EPGN: variants seen among roughly 807,000 people sequenced by gnomAD.
EPGN encodes epigen.
Under a neutral mutation model 20.7 loss-of-function variants are expected in EPGN, and 21 were observed. The observed-to-expected ratio is 1.01, with a 90% CI of 0.72 to 1.46. The LOEUF (loss-of-function observed/expected upper bound fraction) is 1.46, where lower values mean the gene tolerates loss of function less well. EPGN is among the 40% of genes most tolerant of loss of function. EPGN has a pLI of 0.00. For missense variants in EPGN, 199 were observed against 180.7 expected, an observed-to-expected ratio of 1.10 and a Z score of -0.58; for synonymous variants, 69 against 63.8, an observed-to-expected ratio of 1.08 and a Z score of -0.39.
In EPGN at chr4:74,315,619, G is replaced by A. The variant is rs1326546474; in HGVS notation, c.*982G>A. ...ACTTGTTAACAGATTTGCACATAGA[G>A]GGAGAGAAAAAAAATGGAGTAACAG... On this transcript the variant is annotated 3_prime_UTR_variant, in exon 5 of 5. Transcript: ENST00000413830. Among the ~76,000 whole-genome samples the A allele has an allele frequency of 2.0e-5, 3 of 151,992 alleles. No individual in the cohort carries two copies. The East Asian group carries it at 5.8e-4, about 29-fold the overall frequency.
chr4:74,308,950 T>C (rs1750710898), intron 1 of EPGN, 143 bp from the exon 2 acceptor site: 1 of 648,518 alleles, frequency 1.5e-6, no homozygotes, highest in African/African-American at 1.8e-5. Flanking sequence ...TGTAAGTATG[T>C]TGCCCTAGTC....
chr4:74,314,241 T>G, intron 4 of EPGN: 1 of 497,860 alleles, frequency 2.0e-6, no homozygotes, highest in Non-Finnish European at 3.9e-6. Flanking sequence ...AGATCTAGAA[T>G]GTGAATAGCA....
rs1448382255 is a variant in EPGN at position 74,315,396 on chromosome 4, G to T, written c.*759G>T. The T allele has an allele frequency of 6.6e-6, 1 of 152,118 alleles. No homozygotes were observed. Among genetic ancestry groups the T allele is most frequent in the African/African-American group, 2.4e-5 (1 of 41,410 alleles). 9.4% of individuals were successfully genotyped at this position (152,118 alleles called of 1,614,324 possible). ...TATAAAACTTTGTGTTGGACTCATT[G>T]GTCCCTAATGCTTTTGTTCATCACT... On this transcript the variant is annotated 3_prime_UTR_variant, in exon 5 of 5. Coordinates refer to ENST00000413830, the MANE Select transcript of EPGN (RefSeq NM_001270989.2).
intron 2 of EPGN, among the ~76,000 whole-genome samples, chr4:74,309,773 G>A (rs564940425): frequency 1.3e-5 from 2 of 152,208 alleles, no homozygotes; most frequent in African/African-American, 2.4e-5. Flanking sequence ...GAGCATCAGC[G>A]TTCTTTCTCT....
At chr4:74,314,091 A>T (rs1240415913) in intron 4 of EPGN, 1 of 456,220 alleles carries the variant, frequency 2.2e-6, no homozygotes, top group Admixed American at 2.3e-5. Flanking sequence ...ATTGCTGTGC[A>T]TGTGATTAGT....
intron 3 of EPGN, among the ~76,000 whole-genome samples, chr4:74,312,769 T>C (rs1751045184): frequency 6.6e-6 from 1 of 152,186 alleles, no homozygotes; most frequent in African/African-American, 2.4e-5. Context: ...GGCTAATGAT[T>C]TTTCTAGAGT....
Position 74,312,215 on chromosome 4 carries a change from A to C in EPGN, c.164A>C (p.Lys55Thr). ...ADNIEGPIAL[K>T]FSHLCLEDHN... ...AACATAGAAGGACCCATAGCCTTGA[A>C]GTTCTCACACCTTTGCCTGGAAGAT... Residue 55 changes from lysine to threonine, a missense_variant, in exon 3 of 5, where the codon AAG becomes ACG. Lys to Thr is a moderately conservative substitution (Grantham distance 78). Coordinates refer to ENST00000413830, the MANE Select transcript of EPGN (RefSeq NM_001270989.2). 1.9e-6 allele frequency: 3 copies of C among 1,612,682 alleles called. No individual in the cohort carries two copies. Among genetic ancestry groups the C allele is most frequent in the Non-Finnish European group, 2.5e-6 (3 of 1,179,270 alleles).
rs1751072905 is a variant in EPGN at position 74,313,142 on chromosome 4, G to C, written c.379G>C (p.Val127Leu). The C allele has an allele frequency of 1.9e-6, 3 of 1,611,298 alleles. No individual in the cohort carries two copies. The highest frequency in any genetic ancestry group is 2.5e-6 in the Non-Finnish European group (3 of 1,179,196). Residue 127 changes from valine (V) to leucine (L), a missense_variant, in exon 4 of 5, where the codon GTT (valine) becomes CTT (leucine). Val to Leu is a conservative substitution (Grantham distance 32). Coordinates refer to ENST00000413830, the MANE Select transcript of EPGN (RefSeq NM_001270989.2). The part of the protein sequence containing the change: ...GVGLLLSGFL[V>L]IFYCYIRKRC... ...TGGATTACTATTAAGTGGTTTTCTTGTTATTTTTTACTGCTATATAAGAAA... is the reference window on the plus strand; with the variant it reads ...TGGATTACTATTAAGTGGTTTTCTTCTTATTTTTTACTGCTATATAAGAAA...
chr4:74,309,088 T>C lies in EPGN; in HGVS notation c.44-5T>C, dbSNP rs757038146. The C allele has an allele frequency of 3.7e-6, 6 of 1,611,278 alleles. No individual in the cohort carries two copies. The highest frequency in any genetic ancestry group is 1.3e-5 in the African/African-American group (1 of 74,992). On this transcript the variant is annotated splice_polypyrimidine_tract_variant and splice_region_variant and intron_variant, in intron 1 of 4. Coordinates refer to ENST00000413830, the MANE Select transcript of EPGN (RefSeq NM_001270989.2). ...GTTAAAGATGCTTTTGCCCCCTTAA[T>C]ACAGCAATGACAGCACTGACCGAAG...
At chr4:74,312,816 T>C (rs1751048076) in intron 3 of EPGN, among the ~76,000 whole-genome samples, 1 of 152,150 alleles carries the variant, frequency 6.6e-6, no homozygotes, top group Admixed American at 6.5e-5. Flanking sequence ...CCTCTACTAA[T>C]GAAGGGAAAA....
At position 74,313,065 on chromosome 4, in the gene EPGN, C is replaced by T. The variant is rs201853400; in HGVS notation, c.302C>T (p.Thr101Ile). The T allele has an allele frequency of 8.4e-5, 135 of 1,612,874 alleles. No individual in the cohort carries two copies. Among genetic ancestry groups the T allele is most frequent in the Non-Finnish European group, 1.1e-4 (124 of 1,179,654 alleles). Reference sequence around the variant, plus strand: ...GAAAGGTGTGAGCACTTGACTTTAACTTCATATGCTGTGGATTCTTATGAA... The same window carrying T: ...GAAAGGTGTGAGCACTTGACTTTAATTTCATATGCTGTGGATTCTTATGAA... Reference protein sequence around the residue: ...TGERCEHLTLTSYAVDSYEKY... With the variant: ...TGERCEHLTLISYAVDSYEKY... The change falls in exon 4 of 5, where the codon ACT becomes ATT. Residue 101 changes from threonine to isoleucine, a missense_variant. Thr to Ile is a moderately conservative substitution (Grantham distance 89). Transcript: ENST00000413830.
chr4:74,310,725 A>T (rs1445226654), intron 2 of EPGN, among the ~76,000 whole-genome samples: 1 of 152,160 alleles, frequency 6.6e-6, no homozygotes, highest in East Asian at 1.9e-4. Flanking sequence ...AAATCCACAG[A>T]TGCTCAAATC....
At chr4:74,314,173 G>A (rs1410652568) in intron 4 of EPGN, 1 of 461,780 alleles carries the variant, frequency 2.2e-6, no homozygotes, top group Non-Finnish European at 4.3e-6. Context: ...AGCACAAGAA[G>A]AAGCTAAGCA....
intron 2 of EPGN, among the ~76,000 whole-genome samples, chr4:74,309,575 CTACAAGATGAACAG>C (rs1750761519): frequency 2.1e-5 from 3 of 139,858 alleles, no homozygotes; most frequent in African/African-American, 1.0e-4. Context: ...GACATTATGG[CTACAAGATGAACAG>C]CACTTTCCCT....
At chr4:74,309,275 A>G in intron 2 of EPGN, 93 bp downstream of exon 2, 2 of 876,416 alleles carry the variant, frequency 2.3e-6, no homozygotes, top group East Asian at 2.8e-5. Context: ...GCCATTTTTA[A>G]TATATATTTT....
At position 74,309,102 on chromosome 4, in the gene EPGN, C is replaced by T. The variant is rs1750724627; in HGVS notation, c.53C>T (p.Ala18Val). 6.2e-7 allele frequency: 1 copy of T among 1,613,032 alleles called. No homozygotes were observed. The highest frequency in any genetic ancestry group is 1.1e-5 in the South Asian group (1 of 90,972). The change falls in exon 2 of 5, where the codon GCA becomes GTA. Residue 18 changes from alanine (A) to valine (V), a missense_variant. By Grantham distance (64) the Ala-to-Val change is moderately conservative. Transcript: ENST00000413830. ...TGCCCCCTTAATACAGCAATGACAGCACTGACCGAAGAGGCAGCCGTGACT... is the reference window on the plus strand; with the variant it reads ...TGCCCCCTTAATACAGCAATGACAGTACTGACCGAAGAGGCAGCCGTGACT... Reference protein sequence around the residue: ...SVYLLFNAMTALTEEAAVTVT... With the variant: ...SVYLLFNAMTVLTEEAAVTVT...
In EPGN at chr4:74,310,660, C is replaced by T. The variant is rs529129002; in HGVS notation, c.133+1478C>T. ...AAAGGAATCCAATACAGTCATCCTC[C>T]GTTATTGGTTGAACATTGGTTCCAA... On this transcript the variant is annotated intron_variant, in intron 2 of 4. Coordinates refer to ENST00000413830, the MANE Select transcript of EPGN (RefSeq NM_001270989.2). Among the ~76,000 whole-genome samples the T allele has an allele frequency of 1.5e-4, 23 of 152,036 alleles. No individual in the cohort carries two copies. The East Asian group carries it at 3.5e-3, about 23-fold the overall frequency.
chr4:74,313,870 C>CA, intron 4 of EPGN, among the ~76,000 whole-genome samples: 1 of 152,058 alleles, frequency 6.6e-6, no homozygotes, highest in African/African-American at 2.4e-5. Flanking sequence ...TCTAAATGAC[C>CA]AAAACTGCCT....
chr4:74,313,040 G>A lies in EPGN; in HGVS notation c.277G>A (p.Glu93Lys). 1 of 1,610,370 alleles carries A rather than the reference G, an allele frequency of 6.2e-7. No homozygotes were observed. The highest frequency in any genetic ancestry group is 8.5e-7 in the Non-Finnish European group (1 of 1,179,216). The change falls in exon 4 of 5, where the codon GAA becomes AAA. Residue 93 changes from glutamate (E) to lysine (K), a missense_variant. Transcript: ENST00000413830. The part of the protein sequence containing the change: ...ICRCFTGYTG[E>K]RCEHLTLTSY... ...AAGGTGTTTTACTGGTTATACTGGA[G>A]AAAGGTGTGAGCACTTGACTTTAAC...
Sources: gnomAD v4.1 joint callset for allele counts (sites outside exome capture counted in the v4.1 genomes callset) on GRCh38, gnomAD v4.1.1 for gene constraint, MANE v1.5 for transcripts, NCBI Gene and HGNC (gene_info 2026-07-23, HGNC 2026-07-21) for gene names.